The following BAHCC1 variants were observed in gnomAD, a reference collection of about 807,000 sequenced individuals.
The protein encoded by BAHCC1 is BAH and coiled-coil domain-containing protein 1.
Under a neutral mutation model 88.2 loss-of-function variants are expected in BAHCC1, and 43 were observed. The ratio of observed to expected loss-of-function variants is 0.49; its 90% CI spans 0.38 to 0.63. The LOEUF (loss-of-function observed/expected upper bound fraction) is 0.63, where lower values mean the gene tolerates loss of function less well. Ranked by LOEUF, BAHCC1 falls within the 20% of genes least tolerant of loss-of-function variation. The pLI is 0.00. For synonymous variants in BAHCC1, 1,510 were observed against 745.5 expected (o/e 2.03, Z -16.71); for missense variants, 3,023 against 1,654.8 (o/e 1.83, Z -14.34).
At chr17:81,403,866 G>A (rs752427995) in intron 2 of BAHCC1, among the ~76,000 whole-genome samples, 21 of 152,200 alleles carry the variant, frequency 1.4e-4, no homozygotes, top group Non-Finnish European at 2.5e-4. Context: ...CCGCCCCGCC[G>A]AAGCCCTGTT....
chr17:81,448,565 C>T (rs1324579412), intron 11 of BAHCC1, among the ~76,000 whole-genome samples: 2 of 152,214 alleles, frequency 1.3e-5, no homozygotes, highest in African/African-American at 4.8e-5. Flanking sequence ...GGGCGTCCCC[C>T]AGCCGGGCAC....
At chr17:81,397,972 T>C (rs1280887212) in intron 1 of BAHCC1, among the ~76,000 whole-genome samples, 1 of 152,236 alleles carries the variant, frequency 6.6e-6, no homozygotes, top group African/African-American at 2.4e-5. Flanking sequence ...AAACACAAAA[T>C]AGTCTGCAAA....
Position 81,452,082 on chromosome 17 carries a change from C to T in BAHCC1, c.4291C>T (p.Arg1431Cys), listed in dbSNP as rs370302611. The change falls in exon 13 of 28, where the codon CGC (arginine) becomes TGC (cysteine). Residue 1431 changes from arginine (R) to cysteine (C), a missense_variant. By Grantham distance (180) the Arg-to-Cys change is radical. Coordinates refer to ENST00000675386, the MANE Select transcript of BAHCC1 (RefSeq NM_001377448.1). ...RYKEKQRELA[R>C]LQRKHDHERD... Reference sequence around the variant, plus strand: ...CAAGGAGAAGCAGCGGGAGCTGGCCCGCCTGCAGCGCAAGCACGACCATGA... The same window carrying T: ...CAAGGAGAAGCAGCGGGAGCTGGCCTGCCTGCAGCGCAAGCACGACCATGA... 4.1e-5 allele frequency: 26 copies of T among 631,818 alleles called. No homozygotes were observed. The highest frequency in any genetic ancestry group is 1.7e-4 in the African/African-American group (9 of 52,904). The allele number at this position is 631,818 out of a possible 1,614,324, so 39.1% of individuals were successfully genotyped here.
chr17:81,441,821 T>C lies in BAHCC1; in HGVS notation c.482-10T>C. 1.6e-6 allele frequency: 1 copy of C among 635,844 alleles called. No individual in the cohort carries two copies. The highest frequency in any genetic ancestry group is 2.9e-6 in the Non-Finnish European group (1 of 345,586). The allele number at this position is 635,844 out of a possible 1,614,324, so 39.4% of individuals were successfully genotyped here. A position where few individuals can be genotyped will look rare whatever the true frequency, so the allele number is the denominator to read the frequency against. On this transcript the variant is annotated splice_polypyrimidine_tract_variant and intron_variant, in intron 4 of 27. Transcript: ENST00000675386. ...AGGCCTCCCATTGACCTTGGCTCTT[T>C]CCCACACAGATAACTTCTACCTGCG...
intron 2 of BAHCC1, among the ~76,000 whole-genome samples, chr17:81,421,633 A>G (rs547591351): frequency 2.2e-4 from 33 of 152,308 alleles, no homozygotes; most frequent in Non-Finnish European, 3.7e-4. Context: ...ACGCCTTTAG[A>G]GTAAGCATCT....
Position 81,446,763 on chromosome 17 carries a change from C to T in BAHCC1, c.3164-273C>T, listed in dbSNP as rs183983422. 1.0e-4 allele frequency: 65 copies of T among 627,336 alleles called. No homozygotes were observed. In the East Asian group the frequency reaches 1.8e-3, roughly 18 times the overall value. The allele number at this position is 627,336 out of a possible 1,614,324, so 38.9% of individuals were successfully genotyped here. A position where few individuals can be genotyped will look rare whatever the true frequency, so the allele number is the denominator to read the frequency against. On this transcript the variant is annotated intron_variant, in intron 10 of 27. Coordinates refer to ENST00000675386, the MANE Select transcript of BAHCC1 (RefSeq NM_001377448.1). ...TGGCACGTGCTCACTCTGTTGCCCA[C>T]GCTGGTCTCGAATTCCTGGCCTCAA... is the stretch of plus-strand genomic sequence containing the variant.
At chr17:81,441,458 C>G (rs56031933) in intron 4 of BAHCC1, among the ~76,000 whole-genome samples, 3 of 152,058 alleles carry the variant, frequency 2.0e-5, no homozygotes, top group Non-Finnish European at 4.4e-5. Flanking sequence ...GTCAGGAGAT[C>G]GAGACCATCC....
chr17:81,447,439 G>A lies in BAHCC1; in HGVS notation c.3567G>A (p.Glu1189=), dbSNP rs540073687. 5 of 744,904 alleles carry A rather than the reference G, an allele frequency of 6.7e-6. No homozygotes were observed. The highest frequency in any genetic ancestry group is 3.4e-5 in the African/African-American group (2 of 58,634). The allele number at this position is 744,904 out of a possible 1,614,324, so 46.1% of individuals were successfully genotyped here. Residue 1189 remains glutamate (E), a synonymous_variant, in exon 11 of 28, where the codon GAG becomes GAA. Coordinates refer to ENST00000675386, the MANE Select transcript of BAHCC1 (RefSeq NM_001377448.1). ...GGAREERSRE[E]GEQGPSSGAS... Reference sequence around the variant, plus strand: ...CACGAGAAGAGAGGAGCAGGGAGGAGGGGGAGCAGGGGCCCTCGTCAGGGG... The same window carrying A: ...CACGAGAAGAGAGGAGCAGGGAGGAAGGGGAGCAGGGGCCCTCGTCAGGGG...
rs1555659620 is a variant in BAHCC1, at chr17:81,461,928, T to G, written c.7265T>G (p.Phe2422Cys). ...CTCAAGCGCAAAGAGGCCCTGAGCT[T>G]CTCCAAAGCCAAAGAGCTCTCCCGG... The part of the protein sequence containing the change: ...SKLKRKEALS[F>C]SKAKELSRRQ... Residue 2422 changes from phenylalanine to cysteine, a missense_variant, in exon 26 of 28, where the codon TTC becomes TGC. Coordinates refer to ENST00000675386, the MANE Select transcript of BAHCC1 (RefSeq NM_001377448.1). The G allele has an allele frequency of 1.3e-6, 1 of 757,990 alleles. No homozygotes were observed. The allele number at this position is 757,990 out of a possible 1,614,324, so 47.0% of individuals were successfully genotyped here.
At chr17:81,460,114 GC>G (rs1372667059) in intron 23 of BAHCC1, among the ~76,000 whole-genome samples, 162 bp from the exon 24 acceptor site, 2 of 152,092 alleles carry the variant, frequency 1.3e-5, no homozygotes, top group African/African-American at 2.4e-5. Context: ...TGGAGAGGAG[GC>G]CCCCGCTCCT....
At position 81,447,266 on chromosome 17, in the gene BAHCC1, G is replaced by A. The variant is rs371179796; in HGVS notation, c.3394G>A (p.Ala1132Thr). 7.0e-6 allele frequency: 5 copies of A among 709,518 alleles called. No individual in the cohort carries two copies. The highest frequency in any genetic ancestry group is 2.5e-5 in the East Asian group (1 of 39,884). 44.0% of individuals were successfully genotyped at this position (709,518 alleles called of 1,614,324 possible). A position where few individuals can be genotyped will look rare whatever the true frequency, so the allele number is the denominator to read the frequency against. Residue 1132 changes from alanine (A) to threonine (T), a missense_variant, in exon 11 of 28, where the codon GCC (alanine) becomes ACC (threonine). Coordinates refer to ENST00000675386, the MANE Select transcript of BAHCC1 (RefSeq NM_001377448.1). ...CAGGGAGGCCACCCAGGACCTTGCCGCCACCCCCTACCCTACCGAGCGGGG... is the reference window on the plus strand; with the variant it reads ...CAGGGAGGCCACCCAGGACCTTGCCACCACCCCCTACCCTACCGAGCGGGG... ...GAREATQDLA[A>T]TPYPTERGPQ...
chr17:81,457,263 G>T, intron 16 of BAHCC1, 147 bp from the exon 17 acceptor site: 3 of 607,626 alleles, frequency 4.9e-6, no homozygotes, highest in Non-Finnish European at 8.9e-6. Context: ...TGCCCCCAAA[G>T]CAGCCCCACA....
intron 2 of BAHCC1, among the ~76,000 whole-genome samples, chr17:81,412,924 G>C (rs973439392): frequency 6.6e-6 from 1 of 152,196 alleles, no homozygotes; most frequent in Admixed American, 6.5e-5. Context: ...GAGTGTTGCC[G>C]GCTGCTGGCT....
intron 2 of BAHCC1, among the ~76,000 whole-genome samples, chr17:81,426,303 G>T (rs2064197476): frequency 6.8e-6 from 1 of 147,214 alleles, no homozygotes; most frequent in Non-Finnish European, 1.5e-5. Flanking sequence ...TGATGTGGTT[G>T]GGGGTGATAG....
intron 2 of BAHCC1, among the ~76,000 whole-genome samples, chr17:81,406,235 G>T (rs954188149): frequency 6.6e-6 from 1 of 152,062 alleles, no homozygotes; most frequent in Non-Finnish European, 1.5e-5. Flanking sequence ...CTTGGCTCCT[G>T]GACAGCCTCC....
intron 2 of BAHCC1, among the ~76,000 whole-genome samples, chr17:81,407,092 C>G (rs2063890171): frequency 6.6e-6 from 1 of 152,216 alleles, no homozygotes; most frequent in South Asian, 2.1e-4. Flanking sequence ...AGTGCTGCCC[C>G]TCTCCGGGGT....
At chr17:81,456,623 C>T (rs541669487) in intron 16 of BAHCC1, 38 bp downstream of exon 16, 7 of 674,260 alleles carry the variant, frequency 1.0e-5, no homozygotes, top group African/African-American at 3.6e-5. Flanking sequence ...CCAGGAGCCC[C>T]GGTCATGGTC....
intron 2 of BAHCC1, among the ~76,000 whole-genome samples, chr17:81,420,779 G>A (rs1393065834): frequency 1.3e-5 from 2 of 152,166 alleles, no homozygotes; most frequent in South Asian, 2.1e-4. Context: ...CGCTGACACC[G>A]CATCCCGCTT....
At chr17:81,404,914 G>A (rs974550395) in intron 2 of BAHCC1, among the ~76,000 whole-genome samples, 2 of 152,182 alleles carry the variant, frequency 1.3e-5, no homozygotes, top group African/African-American at 4.8e-5. Flanking sequence ...ATCCTGGGTG[G>A]TTTGGTTGGG....
Sources: allele counts gnomAD v4.1 joint callset (sites outside exome capture counted in the v4.1 genomes callset), GRCh38; gene constraint gnomAD v4.1.1; transcripts MANE v1.5; gene names NCBI Gene and HGNC (gene_info 2026-07-23, HGNC 2026-07-21).